The following SERTAD2 variants were observed in gnomAD, a reference collection of about 807,000 sequenced individuals.
The protein encoded by SERTAD2 is SERTA domain containing 2.
SERTAD2 carries 2 observed loss-of-function variants against 15.4 expected under a neutral mutation model. The observed-to-expected ratio is 0.13, with a 90% CI of 0.05 to 0.41. The LOEUF (loss-of-function observed/expected upper bound fraction) is 0.41. SERTAD2 is among the 10% of genes least tolerant of loss of function. The probability of loss-of-function intolerance (pLI) is 0.99; values close to 1 mark genes in which losing one functional copy is unlikely to be tolerated. For missense variants in SERTAD2, 333 were observed against 409.7 expected, an observed-to-expected ratio of 0.81 and a Z score of 1.62; for synonymous variants, 180 against 178.0, an observed-to-expected ratio of 1.01 and a Z score of -0.09.
chr2:64,641,019 ATT>A (rs1674765117), intron 1 of SERTAD2, among the ~76,000 whole-genome samples: 1 of 152,240 alleles, frequency 6.6e-6, no homozygotes, highest in South Asian at 2.1e-4. Flanking sequence ...TTTTCTAAAC[ATT>A]AATTTTAACT....
intron 1 of SERTAD2, among the ~76,000 whole-genome samples, chr2:64,638,099 C>T (rs115846567): frequency 1.0e-3 from 153 of 152,280 alleles, no homozygotes; most frequent in African/African-American, 3.2e-3. Context: ...GCTCCCTCAC[C>T]GTCCCCGCCT....
At chr2:64,642,366 TAA>T (rs939701708) in intron 1 of SERTAD2, among the ~76,000 whole-genome samples, 2 of 152,156 alleles carry the variant, frequency 1.3e-5, no homozygotes, top group African/African-American at 2.4e-5. Context: ...TACTTACGTT[TAA>T]AAGAGTAAGT....
At chr2:64,653,356 C>T (rs892854733) in intron 1 of SERTAD2, among the ~76,000 whole-genome samples, 11 of 152,064 alleles carry the variant, frequency 7.2e-5, no homozygotes, top group Admixed American at 6.5e-5. Flanking sequence ...AGCTCCCGAC[C>T]CCCTCCTGAC....
intron 1 of SERTAD2, among the ~76,000 whole-genome samples, chr2:64,647,911 TA>T (rs150199011): frequency 0.019 from 2,902 of 152,300 alleles, 108 homozygotes; most frequent in African/African-American, 0.067. Context: ...AATTAAAAAC[TA>T]GTCATGCCTT....
chr2:64,635,890 G>T lies in SERTAD2; in HGVS notation c.*37C>A. On this transcript the variant is annotated 3_prime_UTR_variant, in exon 2 of 2. Coordinates refer to ENST00000313349, the MANE Select transcript of SERTAD2 (RefSeq NM_014755.3). ...ACTGTCAGGGTTATGGGAACGCTCT[G>T]GGGTCTGGGTGGGCATAGTCGCTGG... 1 of 1,499,442 alleles carries T rather than the reference G, an allele frequency of 6.7e-7. No individual in the cohort carries two copies. Among genetic ancestry groups the T allele is most frequent in the South Asian group, 1.1e-5 (1 of 88,046 alleles). The allele number at this position is 1,499,442 out of a possible 1,614,324, so 92.9% of individuals were successfully genotyped here. A position where few individuals can be genotyped will look rare whatever the true frequency, so the allele number is the denominator to read the frequency against.
chr2:64,636,438 G>A lies in SERTAD2; in HGVS notation c.434C>T (p.Thr145Ile), dbSNP rs756799707. 1.2e-6 allele frequency: 2 copies of A among 1,614,190 alleles called. No homozygotes were observed. The highest frequency in any genetic ancestry group is 1.7e-6 in the Non-Finnish European group (2 of 1,180,046). Residue 145 changes from threonine (T) to isoleucine (I), a missense_variant, in exon 2 of 2, where the codon ACC (threonine) becomes ATC (isoleucine). By Grantham distance (89) the Thr-to-Ile change is moderately conservative (BLOSUM62 -1). Transcript: ENST00000313349. ...AGCCGTGGGCTGCATGGCCTGGGAG[G>A]TGCAAAACGTGTCATCGTCGTCCTC... ...LLEDDDDTFC[T>I]SQAMQPTAPT... is the part of the protein sequence containing the mutation.
Position 64,636,017 on chromosome 2 carries a change from A to G in SERTAD2, c.855T>C (p.Pro285=). The G allele has an allele frequency of 6.2e-7, 1 of 1,614,002 alleles. No individual in the cohort carries two copies. The highest frequency in any genetic ancestry group is 2.2e-5 in the East Asian group (1 of 44,898). ...SADDLLKTLA[P]YSSQPVTPSQ... ...TTGGGGTGACAGGCTGACTGCTGTA[A>G]GGAGCCAGAGTTTTGAGGAGGTCGT... The change falls in exon 2 of 2, where the codon CCT becomes CCC. Residue 285 remains proline (P), a synonymous_variant. Transcript: ENST00000313349.
In SERTAD2 at chr2:64,635,992, T is replaced by C. The variant is rs770863995; in HGVS notation, c.880A>G (p.Ser294Gly). The C allele has an allele frequency of 6.2e-7, 1 of 1,614,062 alleles. No homozygotes were observed. ...GTGAGGTCCATTTTGAAAGGCTGAC[T>C]TGGGGTGACAGGCTGACTGCTGTAA... ...APYSSQPVTP[S>G]QPFKMDLTEL... The change falls in exon 2 of 2, where the codon AGT becomes GGT. Residue 294 changes from serine (S) to glycine (G), a missense_variant. Physicochemically the swap from Ser to Gly is moderately conservative, Grantham distance 56. Coordinates refer to ENST00000313349, the MANE Select transcript of SERTAD2 (RefSeq NM_014755.3).
At chr2:64,653,420 C>T (rs937338090) in intron 1 of SERTAD2, among the ~76,000 whole-genome samples, 200 bp downstream of exon 1, 20 of 151,656 alleles carry the variant, frequency 1.3e-4, no homozygotes, top group African/African-American at 4.4e-4. Flanking sequence ...TCCGAGAGCG[C>T]GGGGCCCGGA....
Position 64,636,208 on chromosome 2 carries a change from T to A in SERTAD2, c.664A>T (p.Met222Leu), listed in dbSNP as rs921388219. ...TCAAAATTCCCAGGCAGAGAGTCCATCAGTTTTGAGTCATCTGCGCGGCTC... is the reference window on the plus strand; with the variant it reads ...TCAAAATTCCCAGGCAGAGAGTCCAACAGTTTTGAGTCATCTGCGCGGCTC... ...QESRADDSKL[M>L]DSLPGNFEIT... Residue 222 changes from methionine (M) to leucine (L), a missense_variant, in exon 2 of 2, where the codon ATG becomes TTG. This residue lies in a region of SERTAD2 where 332 missense variants were observed against 392.9 expected (regional missense o/e 0.84). Transcript: ENST00000313349. The A allele has an allele frequency of 6.2e-7, 1 of 1,614,170 alleles. No homozygotes were observed. The highest frequency in any genetic ancestry group is 1.1e-5 in the South Asian group (1 of 91,078).
chr2:64,642,007 T>C (rs1221169072), intron 1 of SERTAD2, among the ~76,000 whole-genome samples: 1 of 152,238 alleles, frequency 6.6e-6, no homozygotes, highest in Non-Finnish European at 1.5e-5. Flanking sequence ...AACCTCACTT[T>C]GAGAATTACC....
rs547335287 is a variant in SERTAD2 at position 64,631,686 on chromosome 2, A to G, written c.*4241T>C. The G allele has an allele frequency of 1.3e-5, 2 of 152,750 alleles. No individual in the cohort carries two copies. The highest frequency in any genetic ancestry group is 4.8e-5 in the African/African-American group (2 of 41,570). The allele number at this position is 152,750 out of a possible 1,614,324, so 9.5% of individuals were successfully genotyped here. ...AGTAAGACTGCTCATTTCCATGTAC[A>G]TTTAATCTGTCCAATTGTTTAGATT... On this transcript the variant is annotated 3_prime_UTR_variant, in exon 2 of 2. Coordinates refer to ENST00000313349, the MANE Select transcript of SERTAD2 (RefSeq NM_014755.3).
At chr2:64,644,603 A>G (rs1674855775) in intron 1 of SERTAD2, 1 of 152,240 alleles carries the variant, frequency 6.6e-6, no homozygotes. Flanking sequence ...CACCTTAAAC[A>G]ACACACTGGA....
intron 1 of SERTAD2, among the ~76,000 whole-genome samples, chr2:64,643,822 C>T (rs1174792450): frequency 2.0e-5 from 3 of 152,024 alleles, no homozygotes; most frequent in South Asian, 2.1e-4. Context: ...GCCGAGATCG[C>T]GCCACTGCAC....
chr2:64,642,177 A>G (rs2104344785), intron 1 of SERTAD2, among the ~76,000 whole-genome samples: 1 of 152,394 alleles, frequency 6.6e-6, no homozygotes, highest in South Asian at 2.1e-4. Flanking sequence ...CTGACATTAG[A>G]AAACAAAATA....
Position 64,636,290 on chromosome 2 carries a change from G to A in SERTAD2, c.582C>T (p.Asp194=), listed in dbSNP as rs568916078. ...TSTEAATAAT[D]SVKGTSSEAG... is the part of the protein sequence containing the mutation. ...CCTCGCTGGAGGTCCCTTTCACACT[G>A]TCAGTCGCAGCCGTGGCCGCCTCTG... Residue 194 remains aspartate, a synonymous_variant, in exon 2 of 2, where the codon GAC becomes GAT. Transcript: ENST00000313349. The A allele has an allele frequency of 1.2e-6, 2 of 1,614,212 alleles. No homozygotes were observed. Among genetic ancestry groups the A allele is most frequent in the East Asian group, 4.5e-5 (2 of 44,888 alleles).
chr2:64,635,846 T>G lies in SERTAD2; in HGVS notation c.*81A>C. 2 of 1,096,536 alleles carry G rather than the reference T, an allele frequency of 1.8e-6. No homozygotes were observed. Among genetic ancestry groups the G allele is most frequent in the South Asian group, 2.8e-5 (2 of 70,594 alleles). 67.9% of individuals were successfully genotyped at this position (1,096,536 alleles called of 1,614,324 possible). A position where few individuals can be genotyped will look rare whatever the true frequency, so the allele number is the denominator to read the frequency against. On this transcript the variant is annotated 3_prime_UTR_variant, in exon 2 of 2. Transcript: ENST00000313349. ...TTTCTCTGAAAAAGGCAAGCAAGGG[T>G]GCATGCACAGTGTGGAGAACTGTCA...
chr2:64,645,611 T>C (rs1335618871), intron 1 of SERTAD2, among the ~76,000 whole-genome samples: 1 of 152,222 alleles, frequency 6.6e-6, no homozygotes, highest in East Asian at 1.9e-4. Flanking sequence ...AAAATAATTT[T>C]TTAAAAATGT....
At chr2:64,653,053 T>C (rs1465758555) in intron 1 of SERTAD2, among the ~76,000 whole-genome samples, 3 of 152,094 alleles carry the variant, frequency 2.0e-5, no homozygotes, top group African/African-American at 7.2e-5. Context: ...AAGTTTAATA[T>C]ACATGTAGAT....
Sources: allele counts gnomAD v4.1 joint callset (sites outside exome capture counted in the v4.1 genomes callset), GRCh38; gene constraint gnomAD v4.1.1; regional missense constraint gnomAD v4.1.1; transcripts MANE v1.5; gene names NCBI Gene and HGNC (gene_info 2026-07-23, HGNC 2026-07-21).